The following SHC4 variants were observed in gnomAD, a reference collection of about 807,000 sequenced individuals.
SHC4 encodes SHC adaptor protein 4, also known as SHC-transforming protein 4.
SHC4 carries 41 observed loss-of-function variants against 69.4 expected under a neutral mutation model. The observed-to-expected ratio is 0.59, with a 90% CI of 0.46 to 0.77. The LOEUF is 0.77. Ranked by LOEUF, SHC4 falls within the 30% of genes least tolerant of loss-of-function variation. The pLI, the probability that SHC4 is intolerant of heterozygous loss-of-function variation, is 0.00. For missense variants in SHC4, 777 were observed against 783.8 expected, an observed-to-expected ratio of 0.99 and a Z score of 0.10; for synonymous variants, 318 against 299.3, an observed-to-expected ratio of 1.06 and a Z score of -0.64.
chr15:48,861,663 T>G (rs1899445545), intron 6 of SHC4, among the ~76,000 whole-genome samples: 1 of 152,222 alleles, frequency 6.6e-6, no homozygotes, highest in Non-Finnish European at 1.5e-5. Context: ...ATGGTAACTT[T>G]GTTACCAAGG....
At chr15:48,946,925 G>C (rs183236506) in intron 1 of SHC4, among the ~76,000 whole-genome samples, 1 of 151,630 alleles carries the variant, frequency 6.6e-6, no homozygotes, top group East Asian at 1.9e-4. Context: ...AAAAGGTTGA[G>C]AAGAGACACT....
At chr15:48,867,260 AAAG>A (rs1206796646) in intron 6 of SHC4, among the ~76,000 whole-genome samples, 1 of 152,240 alleles carries the variant, frequency 6.6e-6, no homozygotes, top group Non-Finnish European at 1.5e-5. Context: ...GTGTTAATGA[AAAG>A]AGAAATAAGT....
chr15:48,897,920 T>C (rs1403048842), intron 2 of SHC4, among the ~76,000 whole-genome samples: 1 of 152,208 alleles, frequency 6.6e-6, no homozygotes, highest in East Asian at 1.9e-4. Context: ...CAAATTCACC[T>C]GCGTTTCCCA....
intron 6 of SHC4, among the ~76,000 whole-genome samples, chr15:48,864,068 A>T (rs941183752): frequency 1.3e-5 from 2 of 152,172 alleles, no homozygotes; most frequent in Admixed American, 6.5e-5. Context: ...TTTTTTTATT[A>T]GATTGTTTGT....
chr15:48,852,984 C>G (rs2140980703), intron 8 of SHC4, among the ~76,000 whole-genome samples: 1 of 149,878 alleles, frequency 6.7e-6, no homozygotes, highest in Non-Finnish European at 1.5e-5. Flanking sequence ...AGGTGGAAGT[C>G]TTAGAGCAAT....
chr15:48,913,630 C>A (rs528567056), intron 2 of SHC4, among the ~76,000 whole-genome samples: 19 of 152,134 alleles, frequency 1.2e-4, no homozygotes, highest in Admixed American at 6.6e-5. Flanking sequence ...CTTCTCACCC[C>A]CTTCAAATTG....
At chr15:48,859,308 T>G (rs1044600141) in intron 6 of SHC4, among the ~76,000 whole-genome samples, 176 of 37,786 alleles carry the variant, frequency 4.7e-3, no homozygotes, top group African/African-American at 0.01. Flanking sequence ...TTGAAAGGGG[T>G]GTGTGTGTGT....
intron 2 of SHC4, among the ~76,000 whole-genome samples, chr15:48,914,048 A>G (rs566338746): frequency 6.6e-6 from 1 of 152,268 alleles, no homozygotes; most frequent in Admixed American, 6.5e-5. Flanking sequence ...TTTGGTAGAG[A>G]CAGGGTTTCA....
intron 6 of SHC4, among the ~76,000 whole-genome samples, chr15:48,864,957 C>T (rs1899530023): frequency 1.3e-5 from 2 of 152,188 alleles, no homozygotes; most frequent in Admixed American, 1.3e-4. Flanking sequence ...TCTGCAACCC[C>T]GCCTTTACAC....
chr15:48,830,114 T>C (rs1349418475), intron 11 of SHC4, among the ~76,000 whole-genome samples: 1 of 152,184 alleles, frequency 6.6e-6, no homozygotes, highest in Non-Finnish European at 1.5e-5. Context: ...TTTGGTCCTG[T>C]TTCTCCTTTC....
chr15:48,884,805 T>A (rs1440243786), intron 3 of SHC4, among the ~76,000 whole-genome samples: 1 of 152,220 alleles, frequency 6.6e-6, no homozygotes, highest in Non-Finnish European at 1.5e-5. Flanking sequence ...TCTGAGGCCA[T>A]CCCTGTTCCT....
At chr15:48,916,124 A>G (rs1350738087) in intron 2 of SHC4, among the ~76,000 whole-genome samples, 4 of 152,210 alleles carry the variant, frequency 2.6e-5, no homozygotes, top group Admixed American at 6.5e-5. Context: ...GTTTTCAAAC[A>G]TATCTTAATT....
At chr15:48,895,847 C>A (rs554148686) in intron 2 of SHC4, among the ~76,000 whole-genome samples, 24 of 152,292 alleles carry the variant, frequency 1.6e-4, no homozygotes, top group Admixed American at 5.9e-4. Context: ...CTTAGGGAGG[C>A]CGAGGCAGGA....
Position 48,850,338 on chromosome 15 carries a change from A to G in SHC4, c.1303+850T>C, listed in dbSNP as rs1373061179. On this transcript the variant is annotated intron_variant, in intron 9 of 11. Coordinates refer to ENST00000332408, the MANE Select transcript of SHC4 (RefSeq NM_203349.4). ...CCTATACCAGAAAGAATAAATCTTC[A>G]TGTATCCTTCACTATATAAAAAATA... 2.6e-5 allele frequency among the ~76,000 whole-genome samples: 4 copies of G among 152,148 alleles called. No homozygotes were observed. The East Asian group carries it at 7.7e-4, about 29-fold the overall frequency.
At chr15:48,940,470 C>A (rs1470765186) in intron 1 of SHC4, among the ~76,000 whole-genome samples, 2 of 152,126 alleles carry the variant, frequency 1.3e-5, no homozygotes, top group Admixed American at 1.3e-4. Context: ...TCTGTGTATT[C>A]ACAAATGAGA....
chr15:48,876,948 T>C (rs1162786751), intron 4 of SHC4: 1 of 167,620 alleles, frequency 6.0e-6, no homozygotes, highest in East Asian at 1.7e-4. Context: ...TGTGACCCAT[T>C]TGTGAATAAG....
chr15:48,938,708 C>A (rs1407702650), intron 1 of SHC4, among the ~76,000 whole-genome samples: 1 of 151,932 alleles, frequency 6.6e-6, no homozygotes, highest in Admixed American at 6.6e-5. Flanking sequence ...GATGCCCCAG[C>A]CAATGTGCTC....
intron 1 of SHC4, among the ~76,000 whole-genome samples, chr15:48,933,495 C>A (rs1901010707): frequency 6.6e-6 from 1 of 152,078 alleles, no homozygotes. Flanking sequence ...GATAGTAATA[C>A]TCCCAAAAGC....
chr15:48,924,990 T>C (rs753675800), intron 1 of SHC4, 41 bp from the exon 2 acceptor site: 2 of 1,606,416 alleles, frequency 1.2e-6, no homozygotes, highest in Non-Finnish European at 1.7e-6. Flanking sequence ...GGACAAAAAT[T>C]CCAAGAAGCT....
Sources: gnomAD v4.1 joint callset for allele counts (sites outside exome capture counted in the v4.1 genomes callset) on GRCh38, gnomAD v4.1.1 for gene constraint, MANE v1.5 for transcripts, NCBI Gene and HGNC (gene_info 2026-07-23, HGNC 2026-07-21) for gene names.